Variants in SLC16A14 observed in about 807,000 individuals in gnomAD.
The protein encoded by SLC16A14 is solute carrier family 16 member 14.
SLC16A14 carries 14 observed loss-of-function variants against 35.8 expected under a neutral mutation model. The ratio of observed to expected loss-of-function variants is 0.39; its 90% CI spans 0.26 to 0.61. SLC16A14 has a LOEUF of 0.61. Among genes scored for constraint, SLC16A14 ranks in the 20% least tolerant of loss-of-function variants. The pLI, the probability that SLC16A14 is intolerant of heterozygous loss-of-function variation, is 0.51. For missense variants in SLC16A14, 533 were observed against 655.0 expected (o/e 0.81, Z 2.03); for synonymous variants, 248 against 258.9 (o/e 0.96, Z 0.40).
chr2:230,049,765 T>A lies in SLC16A14; in HGVS notation c.399A>T (p.Ala133=), dbSNP rs555106896. ...VHYLFITFGV[A]AGLGSGMAYL... ...TAAAAAAAGCCACATGCTTACCAGCTGCGACTCCAAAAGTAATGAAGAGAT... is the reference window on the plus strand; with the variant it reads ...TAAAAAAAGCCACATGCTTACCAGCAGCGACTCCAAAAGTAATGAAGAGAT... Residue 133 remains alanine (A), a synonymous_variant, in exon 3 of 5, where the codon GCA becomes GCT. Transcript: ENST00000295190. 6.2e-7 allele frequency: 1 copy of A among 1,612,610 alleles called. No individual in the cohort carries two copies. Among genetic ancestry groups the A allele is most frequent in the Non-Finnish European group, 8.5e-7 (1 of 1,178,872 alleles).
intron 1 of SLC16A14, among the ~76,000 whole-genome samples, chr2:230,060,097 G>T (rs73109617): frequency 2.0e-4 from 31 of 152,174 alleles, no homozygotes; most frequent in African/African-American, 7.2e-4. Context: ...TCAAAAATAG[G>T]GTATCAGACT....
intron 1 of SLC16A14, chr2:230,067,315 C>T (rs1323156872): frequency 6.6e-6 from 1 of 152,452 alleles, no homozygotes; most frequent in Admixed American, 6.5e-5. Flanking sequence ...ATACATGCTT[C>T]GCTCTGGGTC....
chr2:230,061,657 G>T (rs2077752793), intron 1 of SLC16A14, among the ~76,000 whole-genome samples: 1 of 152,128 alleles, frequency 6.6e-6, no homozygotes, highest in African/African-American at 2.4e-5. Flanking sequence ...TAGTGAAACA[G>T]TGAAGACTGC....
rs1277802347 is a variant in SLC16A14, at chr2:230,038,294, T to TA, written c.1382-764dup. Among the ~76,000 whole-genome samples, 1 of 152,248 alleles carries TA rather than the reference T, an allele frequency of 6.6e-6. No homozygotes were observed. The highest frequency in any genetic ancestry group is 1.5e-5 in the Non-Finnish European group (1 of 68,042). On this transcript the variant is annotated intron_variant, in intron 4 of 4. Coordinates refer to ENST00000295190, the MANE Select transcript of SLC16A14 (RefSeq NM_152527.5). The surrounding 1 kb of genome is among the most constrained non-coding windows in gnomAD (Gnocchi z 4.4). Reference sequence around the variant, plus strand: ...CTAAGACAATGATGTGCCATTATTTTATGTATCAGTAAGAAATAAATATCC... The same window carrying TA: ...CTAAGACAATGATGTGCCATTATTTTAATGTATCAGTAAGAAATAAATATCC...
chr2:230,066,154 A>C (rs1209875621), intron 1 of SLC16A14, among the ~76,000 whole-genome samples: 1 of 152,056 alleles, frequency 6.6e-6, no homozygotes, highest in Non-Finnish European at 1.5e-5. Flanking sequence ...AAAATACAAA[A>C]ATTAGCCAGT....
Position 230,046,016 on chromosome 2 carries a change from C to T in SLC16A14, c.1110G>A (p.Leu370=). ...AIVHIFGKVI[L]GVIADLPCIS... ...TGCAAGGCAAGTCGGCTATGACGCCCAGGATCACTTTTCCAAAGATGTGAA... is the reference window on the plus strand; with the variant it reads ...TGCAAGGCAAGTCGGCTATGACGCCTAGGATCACTTTTCCAAAGATGTGAA... The change falls in exon 4 of 5, where the codon CTG becomes CTA. Residue 370 remains leucine (L), a synonymous_variant. Transcript: ENST00000295190. This position sits in a 1 kb window ranked among gnomAD's most constrained non-coding sequence, Gnocchi z 5.0. The T allele has an allele frequency of 6.2e-7, 1 of 1,614,006 alleles. No homozygotes were observed. Among genetic ancestry groups the T allele is most frequent in the Non-Finnish European group, 8.5e-7 (1 of 1,179,842 alleles).
At chr2:230,045,050 G>A (rs528742460) in intron 4 of SLC16A14, among the ~76,000 whole-genome samples, 1 of 152,158 alleles carries the variant, frequency 6.6e-6, no homozygotes, top group African/African-American at 2.4e-5. Context: ...CTTCCCTTGG[G>A]GGGAAACAAC....
At position 230,037,478 on chromosome 2, in the gene SLC16A14, A is replaced by G. The variant is rs762984174; in HGVS notation, c.1435T>C (p.Leu479=). ...AAGAGTATTCCTATCATGTAAAGCA[A>G]ACCACATATGTAGAAGGAAAAATCA... The part of the protein sequence containing the change: ...KYDFSFYICG[L]LYMIGILFLL... Residue 479 remains leucine, a synonymous_variant, in exon 5 of 5, where the codon TTG becomes CTG. Transcript: ENST00000295190. The G allele has an allele frequency of 6.2e-7, 1 of 1,612,694 alleles. No homozygotes were observed. Among genetic ancestry groups the G allele is most frequent in the South Asian group, 1.1e-5 (1 of 90,640 alleles).
At chr2:230,066,638 A>ATT (rs10626276) in intron 1 of SLC16A14, 165,801 of 366,666 alleles carry the variant, frequency 0.45, 28,190 homozygotes, top group East Asian at 0.53. Context: ...CAAGCAAGTC[A>ATT]TTTTTTTTTT....
At chr2:230,043,083 A>C (rs1255927011) in intron 4 of SLC16A14, among the ~76,000 whole-genome samples, 1 of 152,258 alleles carries the variant, frequency 6.6e-6, no homozygotes. Context: ...AGAATTTTAC[A>C]TAATGAGATC....
In SLC16A14 at chr2:230,037,349, C is replaced by G. The variant is rs373831513; in HGVS notation, c.*31G>C. 31 of 1,553,662 alleles carry G rather than the reference C, an allele frequency of 2.0e-5. No individual in the cohort carries two copies. Among genetic ancestry groups the G allele is most frequent in the Non-Finnish European group, 2.5e-5 (29 of 1,153,844 alleles). On this transcript the variant is annotated 3_prime_UTR_variant, in exon 5 of 5. Transcript: ENST00000295190. ...CCATGCGAGGTAGGCATGAGTATTA[C>G]AATGAAACCTACACGGAACATTACA...
At position 230,046,431 on chromosome 2, in the gene SLC16A14, T is replaced by G. The variant is rs769082255; in HGVS notation, c.695A>C (p.His232Pro). The G allele has an allele frequency of 6.2e-7, 1 of 1,614,188 alleles. No homozygotes were observed. Among genetic ancestry groups the G allele is most frequent in the Non-Finnish European group, 8.5e-7 (1 of 1,180,040 alleles). Reference sequence around the variant, plus strand: ...AGTTGACTTCACAGATTCTGTGGAGTGCGCTGGCAGGCCACGCACATCTTT... The same window carrying G: ...AGTTGACTTCACAGATTCTGTGGAGGGCGCTGGCAGGCCACGCACATCTTT... ...GEKDVRGLPA[H>P]STESVKSTGQ... is the part of the protein sequence containing the mutation. The change falls in exon 4 of 5, where the codon CAC (histidine) becomes CCC (proline). Residue 232 changes from histidine (H) to proline (P), a missense_variant. His to Pro is a moderately conservative substitution (Grantham distance 77, BLOSUM62 -2). Transcript: ENST00000295190. This position sits in a 1 kb window ranked among gnomAD's most constrained non-coding sequence, Gnocchi z 5.0.
At chr2:230,040,942 C>G (rs1357649660) in intron 4 of SLC16A14, among the ~76,000 whole-genome samples, 1 of 152,130 alleles carries the variant, frequency 6.6e-6, no homozygotes, top group African/African-American at 2.4e-5. Flanking sequence ...TACAAGCTGC[C>G]CTCCTCATGC....
At chr2:230,064,416 G>A (rs1479306583) in intron 1 of SLC16A14, among the ~76,000 whole-genome samples, 4 of 152,116 alleles carry the variant, frequency 2.6e-5, no homozygotes. Context: ...GCTCTCCAAA[G>A]CTTACAGCGC....
chr2:230,046,190 T>C lies in SLC16A14; in HGVS notation c.936A>G (p.Thr312=). The change falls in exon 4 of 5, where the codon ACA becomes ACG. Residue 312 remains threonine, a synonymous_variant. Coordinates refer to ENST00000295190, the MANE Select transcript of SLC16A14 (RefSeq NM_152527.5). The surrounding 1 kb of genome is among the most constrained non-coding windows in gnomAD (Gnocchi z 5.0). ...SGYFGTASLF[T]NRMFVAFIFW... ...AAATAAAGGCTACAAACATTCGATT[T>C]GTAAATAGAGAGGCTGTCCCAAAGT... 1 of 1,614,180 alleles carries C rather than the reference T, an allele frequency of 6.2e-7. No individual in the cohort carries two copies. The highest frequency in any genetic ancestry group is 8.5e-7 in the Non-Finnish European group (1 of 1,180,022).
At chr2:230,054,719 C>G (rs552033356) in intron 2 of SLC16A14, among the ~76,000 whole-genome samples, 3 of 152,170 alleles carry the variant, frequency 2.0e-5, no homozygotes, top group African/African-American at 7.2e-5. Flanking sequence ...GTTTACAATA[C>G]AAATGAGGTG....
chr2:230,063,959 G>A (rs1157940466), intron 1 of SLC16A14, among the ~76,000 whole-genome samples: 2 of 152,114 alleles, frequency 1.3e-5, no homozygotes, highest in Non-Finnish European at 2.9e-5. Context: ...CCAGGCACAT[G>A]TGGTGGCGCA....
At chr2:230,058,695 C>T (rs937076240) in intron 2 of SLC16A14, among the ~76,000 whole-genome samples, 9 of 151,980 alleles carry the variant, frequency 5.9e-5, no homozygotes, top group African/African-American at 9.7e-5. Context: ...TGCAATGGCA[C>T]AATCTCAGCT....
intron 2 of SLC16A14, among the ~76,000 whole-genome samples, chr2:230,054,247 G>A (rs927609913): frequency 7.9e-5 from 12 of 152,060 alleles, no homozygotes; most frequent in African/African-American, 2.9e-4. Flanking sequence ...CCTCACAAAG[G>A]CTGCTGTAGA....
Sources: gnomAD v4.1 joint callset for allele counts (sites outside exome capture counted in the v4.1 genomes callset) on GRCh38, gnomAD v4.1.1 for gene constraint, Gnocchi (gnomAD v3.1) non-coding constraint, MANE v1.5 for transcripts, NCBI Gene and HGNC (gene_info 2026-07-23, HGNC 2026-07-21) for gene names.